WDFY3: variants seen among roughly 807,000 people sequenced by gnomAD.
WDFY3 encodes WD repeat and FYVE domain-containing protein 3.
Under a neutral mutation model 409.6 loss-of-function variants are expected in WDFY3, and 66 were observed. The observed-to-expected ratio is 0.16, with a 90% CI of 0.13 to 0.20. The LOEUF is 0.20. WDFY3 is among the 10% of genes least tolerant of loss of function. The probability of loss-of-function intolerance (pLI) is 1.00; values close to 1 mark genes in which losing one functional copy is unlikely to be tolerated. For missense variants in WDFY3, 3,031 were observed against 4,298.1 expected (o/e 0.71, Z 8.24); for synonymous variants, 1,521 against 1,537.1 (o/e 0.99, Z 0.25).
intron 8 of WDFY3, among the ~76,000 whole-genome samples, 185 bp downstream of exon 8, chr4:84,831,228 G>C (rs1169583597): frequency 6.6e-6 from 1 of 150,522 alleles, no homozygotes; most frequent in African/African-American, 2.4e-5. Flanking sequence ...CAGAACTTAT[G>C]AGGAGAATGT....
intron 13 of WDFY3, among the ~76,000 whole-genome samples, chr4:84,812,866 T>C (rs1752726173): frequency 6.6e-6 from 1 of 152,188 alleles, no homozygotes; most frequent in Admixed American, 6.5e-5. Flanking sequence ...ATACCATGAA[T>C]AATGTAACTT....
At chr4:84,726,745 A>G in intron 45 of WDFY3, 116 bp downstream of exon 45, 1 of 892,664 alleles carries the variant, frequency 1.1e-6, no homozygotes, top group Non-Finnish European at 1.7e-6. Context: ...GGAAGAACAA[A>G]TTGAAAGCCA....
chr4:84,764,882 G>T (rs1272446386), intron 32 of WDFY3, among the ~76,000 whole-genome samples: 1 of 147,578 alleles, frequency 6.8e-6, no homozygotes, highest in Non-Finnish European at 1.5e-5. Flanking sequence ...AAAAAAAAAA[G>T]ATCTGTCTTC....
At chr4:84,867,259 A>G (rs145033290) in intron 3 of WDFY3, among the ~76,000 whole-genome samples, 41 of 152,286 alleles carry the variant, frequency 2.7e-4, no homozygotes, top group African/African-American at 9.6e-4. Flanking sequence ...ATAAGCCCCT[A>G]CAGTGCTATG....
intron 5 of WDFY3, among the ~76,000 whole-genome samples, chr4:84,845,026 C>A (rs915864179): frequency 6.6e-6 from 1 of 152,132 alleles, no homozygotes; most frequent in Non-Finnish European, 1.5e-5. Context: ...TCCATTTTCA[C>A]AAACTTCAGA....
At chr4:84,827,614 G>C (rs780806824) in intron 9 of WDFY3, among the ~76,000 whole-genome samples, 1 of 152,088 alleles carries the variant, frequency 6.6e-6, no homozygotes, top group Admixed American at 6.6e-5. Context: ...TGAAATTATT[G>C]TATCAGATTA....
At chr4:84,824,321 ATTG>A (rs530984479) in intron 10 of WDFY3, among the ~76,000 whole-genome samples, 9 of 152,164 alleles carry the variant, frequency 5.9e-5, no homozygotes, top group South Asian at 2.1e-4. Flanking sequence ...TTTTACTATT[ATTG>A]TTGTTAATCT....
chr4:84,712,560 A>C (rs982006001), intron 51 of WDFY3, among the ~76,000 whole-genome samples: 5 of 151,786 alleles, frequency 3.3e-5, no homozygotes, highest in Non-Finnish European at 4.4e-5. Flanking sequence ...GTCTCTACTA[A>C]AAATACAAAA....
chr4:84,691,859 T>G, intron 59 of WDFY3, 74 bp from the exon 60 acceptor site: 2 of 1,360,254 alleles, frequency 1.5e-6, no homozygotes, highest in Non-Finnish European at 2.0e-6. Flanking sequence ...AGCATGATAA[T>G]TTCAAATATT....
At chr4:84,929,890 A>C (rs1770528597) in intron 2 of WDFY3, among the ~76,000 whole-genome samples, 1 of 151,878 alleles carries the variant, frequency 6.6e-6, no homozygotes, top group African/African-American at 2.4e-5. Context: ...CAGCCTGGGC[A>C]ACAAGAGAGA....
In WDFY3 at chr4:84,910,998, G is replaced by A. The variant is rs547073200; in HGVS notation, c.-131-13988C>T. On this transcript the variant is annotated intron_variant, in intron 2 of 67. Transcript: ENST00000295888. Reference sequence around the variant, plus strand: ...GCCTCCCAAAGTGCTGGGATTAGAGGCATGAGCCACCATGCCTAGCCCAAT... The same window carrying A: ...GCCTCCCAAAGTGCTGGGATTAGAGACATGAGCCACCATGCCTAGCCCAAT... 2.0e-5 allele frequency among the ~76,000 whole-genome samples: 3 copies of A among 152,072 alleles called. No individual in the cohort carries two copies. The East Asian group carries it at 5.8e-4, about 29-fold the overall frequency.
intron 26 of WDFY3, among the ~76,000 whole-genome samples, chr4:84,779,766 C>T (rs761515111): frequency 1.5e-4 from 23 of 151,924 alleles, no homozygotes; most frequent in Admixed American, 2.6e-4. Context: ...GGAATAGGAC[C>T]CCATTTCATT....
At chr4:84,731,011 G>T (rs1342648172) in intron 44 of WDFY3, among the ~76,000 whole-genome samples, 1 of 152,112 alleles carries the variant, frequency 6.6e-6, no homozygotes, top group Non-Finnish European at 1.5e-5. Flanking sequence ...TGGTCAGGAT[G>T]GTCTCGAACT....
intron 3 of WDFY3, among the ~76,000 whole-genome samples, chr4:84,865,206 T>G (rs886112847): frequency 1.3e-5 from 2 of 152,098 alleles, no homozygotes; most frequent in African/African-American, 4.8e-5. Flanking sequence ...TCATTTTAAT[T>G]TTAAAAATAC....
chr4:84,912,058 G>T (rs958001085), intron 2 of WDFY3, among the ~76,000 whole-genome samples: 3 of 152,176 alleles, frequency 2.0e-5, no homozygotes, highest in African/African-American at 7.2e-5. Flanking sequence ...TGTCTCTCCA[G>T]TAAGTTGTAT....
intron 5 of WDFY3, among the ~76,000 whole-genome samples, chr4:84,848,335 C>G (rs1758405419): frequency 6.6e-6 from 1 of 151,810 alleles, no homozygotes; most frequent in South Asian, 2.1e-4. Context: ...AATGTAAGAG[C>G]CTAAATTATA....
At chr4:84,808,853 GA>G (rs970993518) in intron 14 of WDFY3, 2 of 152,008 alleles carry the variant, frequency 1.3e-5, no homozygotes, top group South Asian at 2.1e-4. Context: ...GAAGTTTAAT[GA>G]TTTTTTTTTT....
Position 84,770,469 on chromosome 4 carries a change from T to C in WDFY3, c.4849+2366A>G, listed in dbSNP as rs115233410. Reference sequence around the variant, plus strand: ...ATTGTGATGTTAGCTTCATTTGCAGTGGTGTGGAACTAAACCTGCAATATT... The same window carrying C: ...ATTGTGATGTTAGCTTCATTTGCAGCGGTGTGGAACTAAACCTGCAATATT... On this transcript the variant is annotated intron_variant, in intron 30 of 67. Transcript: ENST00000295888. Among the ~76,000 whole-genome samples, 1,216 of 152,342 alleles carry C rather than the reference T, an allele frequency of 8.0e-3. 10 individuals are homozygous for C. Among genetic ancestry groups the C allele is most frequent in the South Asian group, 0.013 (61 of 4,824 alleles).
intron 2 of WDFY3, among the ~76,000 whole-genome samples, chr4:84,923,765 G>A (rs551514689): frequency 8.5e-5 from 13 of 152,152 alleles, no homozygotes; most frequent in Non-Finnish European, 1.6e-4. Flanking sequence ...TTGGGAGGCT[G>A]AGGCAGGTGG....
Sources: gnomAD v4.1 joint callset for allele counts (sites outside exome capture counted in the v4.1 genomes callset) on GRCh38, gnomAD v4.1.1 for gene constraint, MANE v1.5 for transcripts, NCBI Gene and HGNC (gene_info 2026-07-23, HGNC 2026-07-21) for gene names.